ROBO2: variants seen among roughly 807,000 people sequenced by gnomAD.
The protein encoded by ROBO2 is roundabout guidance receptor 2.
In ROBO2, 53 loss-of-function variants were observed where a neutral mutation model predicts 160.8. That is an observed-to-expected ratio of 0.33 (90% CI 0.26 to 0.41). The LOEUF is 0.41. Ranked by LOEUF, ROBO2 falls within the 10% of genes least tolerant of loss-of-function variation. ROBO2 has a pLI of 1.00. For missense variants in ROBO2, 1,577 were observed against 1,722.4 expected (o/e 0.92, Z 1.49); for synonymous variants, 664 against 611.7 (o/e 1.09, Z -1.26).
At chr3:76,525,302 G>A (rs1458052024) in intron 2 of ROBO2, among the ~76,000 whole-genome samples, 4 of 151,774 alleles carry the variant, frequency 2.6e-5, no homozygotes, top group African/African-American at 9.7e-5. Flanking sequence ...TAGATGATAA[G>A]ATGAAGGATG....
At chr3:75,918,472 C>T (rs1007506999) in intron 1 of ROBO2, among the ~76,000 whole-genome samples, 12 of 152,200 alleles carry the variant, frequency 7.9e-5, no homozygotes, top group African/African-American at 2.9e-4. Flanking sequence ...AGCGTCATGC[C>T]TCCAGCTTTG....
At chr3:77,343,908 T>TTTTG (rs776076035) in intron 2 of ROBO2, among the ~76,000 whole-genome samples, 1 of 152,182 alleles carries the variant, frequency 6.6e-6, no homozygotes, top group Non-Finnish European at 1.5e-5. Context: ...TGCTCTTAAA[T>TTTTG]TTTGTTTGTT....
intron 13 of ROBO2, among the ~76,000 whole-genome samples, chr3:77,569,136 G>C (rs1036654649): frequency 1.3e-5 from 2 of 151,954 alleles, no homozygotes; most frequent in African/African-American, 2.4e-5. Flanking sequence ...AAGTCTTTGG[G>C]TGGACACATG....
intron 2 of ROBO2, among the ~76,000 whole-genome samples, chr3:76,972,354 T>C (rs2059612731): frequency 6.6e-6 from 1 of 152,122 alleles, no homozygotes; most frequent in South Asian, 2.1e-4. Flanking sequence ...AAAACATTTT[T>C]TTTTTTTAAT....
intron 2 of ROBO2, among the ~76,000 whole-genome samples, chr3:76,611,469 T>A (rs140791108): frequency 6.6e-6 from 1 of 152,224 alleles, no homozygotes; most frequent in African/African-American, 2.4e-5. Flanking sequence ...TCTGTTCAGG[T>A]TTTGGATTTC....
chr3:77,329,847 C>A (rs1458195140), intron 2 of ROBO2, among the ~76,000 whole-genome samples: 2 of 152,118 alleles, frequency 1.3e-5, no homozygotes, highest in Admixed American at 6.5e-5. Flanking sequence ...ATGACAGAAA[C>A]AATGGTAGCT....
At chr3:76,768,269 C>A (rs373846758) in intron 2 of ROBO2, among the ~76,000 whole-genome samples, 2 of 151,304 alleles carry the variant, frequency 1.3e-5, no homozygotes, top group East Asian at 2.0e-4. Context: ...TCTTTACAGA[C>A]CTTTACGAGG....
intron 2 of ROBO2, among the ~76,000 whole-genome samples, chr3:76,854,768 T>C (rs1172884634): frequency 6.6e-6 from 1 of 152,136 alleles, no homozygotes; most frequent in African/African-American, 2.4e-5. Flanking sequence ...ATAGTTAGCA[T>C]AGAAATGTGT....
intron 2 of ROBO2, among the ~76,000 whole-genome samples, chr3:76,654,972 A>C (rs1410131136): frequency 1.3e-5 from 2 of 149,368 alleles, no homozygotes; most frequent in Non-Finnish European, 3.0e-5. Flanking sequence ...TTCAAATCAA[A>C]AGTAAAGATA....
At chr3:76,331,599 A>G (rs1011588811) in intron 2 of ROBO2, among the ~76,000 whole-genome samples, 1 of 152,074 alleles carries the variant, frequency 6.6e-6, no homozygotes, top group Non-Finnish European at 1.5e-5. Context: ...ATATCCGGGC[A>G]TCTTTGCAGT....
At chr3:76,838,082 G>A (rs554786002) in intron 2 of ROBO2, among the ~76,000 whole-genome samples, 16 of 152,070 alleles carry the variant, frequency 1.1e-4, no homozygotes, top group African/African-American at 2.9e-4. Flanking sequence ...TGTCTTTTAC[G>A]GGAACATGGA....
At chr3:77,327,731 C>T (rs1249274506) in intron 2 of ROBO2, among the ~76,000 whole-genome samples, 6 of 152,006 alleles carry the variant, frequency 3.9e-5, no homozygotes, top group African/African-American at 1.4e-4. Context: ...TATGTTGACC[C>T]TTAACTATCT....
rs1279605931 is a variant in ROBO2 at position 77,606,955 on chromosome 3, A to C, written c.3137-843A>C. ...TTTAACTGTAGTCCACTTTTAAGGA[A>C]GAAGCTTTATCTACTTAATTTTGGA... On this transcript the variant is annotated intron_variant, in intron 20 of 25. Transcript: ENST00000461745. 2.6e-5 allele frequency among the ~76,000 whole-genome samples: 4 copies of C among 152,206 alleles called. No homozygotes were observed. The East Asian group carries it at 7.7e-4, about 29-fold the overall frequency.
At chr3:76,249,801 T>A (rs965029018) in intron 2 of ROBO2, among the ~76,000 whole-genome samples, 24 of 152,084 alleles carry the variant, frequency 1.6e-4, no homozygotes, top group Admixed American at 9.8e-4. Context: ...ACTTTCCAAT[T>A]TAGACCACCG....
intron 2 of ROBO2, among the ~76,000 whole-genome samples, chr3:76,981,216 C>T (rs189963805): frequency 6.6e-6 from 1 of 152,264 alleles, no homozygotes; most frequent in East Asian, 1.9e-4. Context: ...AAGAGGATTG[C>T]TGGGTCATAT....
intron 2 of ROBO2, among the ~76,000 whole-genome samples, chr3:75,976,497 T>C (rs943401071): frequency 2.0e-5 from 3 of 151,488 alleles, no homozygotes; most frequent in African/African-American, 7.3e-5. Flanking sequence ...AGAAGGGAAA[T>C]TTTTTGTGAC....
At chr3:77,063,858 C>T (rs1164739935) in intron 1 of ROBO2, among the ~76,000 whole-genome samples, 2 of 152,178 alleles carry the variant, frequency 1.3e-5, no homozygotes. Flanking sequence ...AATTACTCTA[C>T]TTATCATCTC....
intron 2 of ROBO2, among the ~76,000 whole-genome samples, chr3:76,596,347 G>A (rs531813501): frequency 1.3e-5 from 2 of 152,216 alleles, no homozygotes; most frequent in East Asian, 3.9e-4. Context: ...TAAGTGATAG[G>A]AGAGAGAATA....
At chr3:77,633,179 A>C (rs1299475772) in intron 23 of ROBO2, 1 of 152,230 alleles carries the variant, frequency 6.6e-6, no homozygotes, top group African/African-American at 2.4e-5. Flanking sequence ...GTAAGATTTT[A>C]ATACAATAAT....
Sources: gnomAD v4.1 joint callset for allele counts (sites outside exome capture counted in the v4.1 genomes callset) on GRCh38, gnomAD v4.1.1 for gene constraint, MANE v1.5 for transcripts, NCBI Gene and HGNC (gene_info 2026-07-23, HGNC 2026-07-21) for gene names.